Variants in CEP57 observed in about 807,000 individuals in gnomAD.
The protein encoded by CEP57 is centrosomal protein of 57 kDa.
CEP57 carries 40 observed loss-of-function variants against 68.0 expected under a neutral mutation model. The ratio of observed to expected loss-of-function variants is 0.59; its 90% confidence interval spans 0.46 to 0.77. The LOEUF is 0.77. Among genes scored for constraint, CEP57 ranks in the 30% least tolerant of loss-of-function variants. The pLI, the probability that CEP57 is intolerant of heterozygous loss-of-function variation, is 0.00. For missense variants in CEP57, 606 were observed against 580.7 expected (o/e 1.04, Z -0.45); for synonymous variants, 219 against 198.7 (o/e 1.10, Z -0.86).
chr11:95,832,253 C>G lies in CEP57; in HGVS notation c.*997C>G, dbSNP rs1863035485. 1 of 152,156 alleles carries G rather than the reference C, an allele frequency of 6.6e-6. No homozygotes were observed. The highest frequency in any genetic ancestry group is 1.9e-4 in the East Asian group (1 of 5,188). 9.4% of individuals were successfully genotyped at this position (152,156 alleles called of 1,614,324 possible). ...GAAACACTGCAACTTTCCTTAACAG[C>G]CTGTTAATAAAGGCTTTGTGACAAG... is the stretch of plus-strand genomic sequence containing the variant. On this transcript the variant is annotated 3_prime_UTR_variant, in exon 11 of 11. Transcript: ENST00000325542.
upstream of CEP57, chr11:95,790,377 A>G: frequency 8.6e-6 from 4 of 466,136 alleles, no homozygotes; most frequent in Non-Finnish European, 1.6e-5. Context: ...TGTCTGCCCC[A>G]GCGGGCCCCG....
intron 2 of CEP57, among the ~76,000 whole-genome samples, chr11:95,804,726 A>G (rs538870439): frequency 6.6e-6 from 1 of 152,156 alleles, no homozygotes. Context: ...AATATTATAA[A>G]TTGCATTTAA....
rs1862530339 is a variant in CEP57 at position 95,821,858 on chromosome 11, T to G, written c.700-13T>G. 2 of 1,555,158 alleles carry G rather than the reference T, an allele frequency of 1.3e-6. No homozygotes were observed. The highest frequency in any genetic ancestry group is 1.8e-6 in the Non-Finnish European group (2 of 1,128,120). ...TTTCTACAGCATTAACTTGAGGCTC[T>G]CATTTTTCCTAGTTGCAGACTGGTC... is the stretch of plus-strand genomic sequence containing the variant. On this transcript the variant is annotated splice_polypyrimidine_tract_variant and intron_variant, in intron 6 of 10. Transcript: ENST00000325542.
At chr11:95,796,331 C>T (rs1017237738) in intron 1 of CEP57, among the ~76,000 whole-genome samples, 11 of 152,280 alleles carry the variant, frequency 7.2e-5, no homozygotes, top group African/African-American at 2.6e-4. Flanking sequence ...GAAAGTTTCT[C>T]CTACAATCAT....
At chr11:95,828,868 C>G (rs190407123) in intron 9 of CEP57, among the ~76,000 whole-genome samples, 2 of 151,942 alleles carry the variant, frequency 1.3e-5, no homozygotes, top group Admixed American at 6.6e-5. Flanking sequence ...GGGTGAAAAC[C>G]TGTCTGTACT....
chr11:95,819,074 CAG>C (rs1474033427), intron 6 of CEP57, among the ~76,000 whole-genome samples, 170 bp downstream of exon 6: 32 of 152,034 alleles, frequency 2.1e-4, no homozygotes, highest in African/African-American at 6.8e-4. Context: ...TTTTTATAGA[CAG>C]AGTAAAATTT....
chr11:95,818,411 CAAA>C (rs34940479), intron 5 of CEP57, among the ~76,000 whole-genome samples: 1 of 127,462 alleles, frequency 7.8e-6, no homozygotes, highest in Non-Finnish European at 1.6e-5. Context: ...AACTCCATCT[CAAA>C]AAAAAAAAAA....
upstream of CEP57, chr11:95,790,317 G>C (rs571906772): frequency 3.8e-5 from 13 of 344,534 alleles, no homozygotes; most frequent in South Asian, 3.7e-4. Flanking sequence ...TACTGGAGGA[G>C]GCCCGACCCT....
chr11:95,791,710 T>C (rs1312954201), intron 1 of CEP57, among the ~76,000 whole-genome samples: 1 of 152,180 alleles, frequency 6.6e-6, no homozygotes, highest in Non-Finnish European at 1.5e-5. Context: ...GAAGGTTTCC[T>C]AGAAGGGAAG....
In CEP57 at chr11:95,831,163, TGGAGAAAAAA is replaced by T. The variant is rs1477051347; in HGVS notation, c.1421_1430del (p.Arg474IlefsTer5). 4 of 1,613,134 alleles carry T rather than the reference TGGAGAAAAAA, an allele frequency of 2.5e-6. No individual in the cohort carries two copies. The highest frequency in any genetic ancestry group is 2.2e-5 in the South Asian group (2 of 90,996). ...AGAAAGATTTTATGAAACTGAGACC[TGGAGAAAAAA>T]GGAGAAAAAATCTTCAGTTATTGAA... is the stretch of plus-strand genomic sequence containing the variant. On this transcript the variant is annotated frameshift_variant, in exon 11 of 11. Transcript: ENST00000325542. LOFTEE classifies it high-confidence loss of function.
intron 2 of CEP57, among the ~76,000 whole-genome samples, chr11:95,807,373 G>A (rs562174167): frequency 1.6e-4 from 24 of 152,300 alleles, no homozygotes; most frequent in African/African-American, 4.8e-4. Context: ...TGACTTTGAC[G>A]AGTTGAGAGA....
chr11:95,793,921 TCA>T (rs1861217573), intron 1 of CEP57, among the ~76,000 whole-genome samples: 2 of 152,172 alleles, frequency 1.3e-5, no homozygotes. Flanking sequence ...AAGTATGGTC[TCA>T]CAACCCTTGG....
intron 9 of CEP57, 54 bp from the exon 10 acceptor site, chr11:95,829,133 C>T: frequency 6.3e-7 from 1 of 1,594,266 alleles, no homozygotes; most frequent in Non-Finnish European, 8.6e-7. Flanking sequence ...TATAATAGAC[C>T]TAACCATGAA....
intron 6 of CEP57, among the ~76,000 whole-genome samples, chr11:95,819,606 C>T (rs1324736673): frequency 6.6e-6 from 1 of 152,204 alleles, no homozygotes; most frequent in Non-Finnish European, 1.5e-5. Context: ...AAATTCCTCC[C>T]AGATACTCCC....
chr11:95,798,105 T>C (rs1187148620), intron 1 of CEP57, among the ~76,000 whole-genome samples: 1 of 152,248 alleles, frequency 6.6e-6, no homozygotes, highest in African/African-American at 2.4e-5. Flanking sequence ...GAACATACTA[T>C]AGTAGACTTA....
At chr11:95,822,306 TCCCCCCAG>T in intron 7 of CEP57, 185 bp from the exon 8 acceptor site, 1 of 599,114 alleles carries the variant, frequency 1.7e-6, no homozygotes, top group Non-Finnish European at 2.9e-6. Context: ...AGTGCTTTTT[TCCCCCCAG>T]CCTTTCCTAG....
chr11:95,831,413 C>T lies in CEP57; in HGVS notation c.*157C>T. ...TCATTACACAGGCTTTTCATGTATG[C>T]AGGATGACTCAATGTTAAAGCATTT... On this transcript the variant is annotated 3_prime_UTR_variant, in exon 11 of 11. Transcript: ENST00000325542. 1 of 604,728 alleles carries T rather than the reference C, an allele frequency of 1.7e-6. No homozygotes were observed. The allele number at this position is 604,728 out of a possible 1,614,324, so 37.5% of individuals were successfully genotyped here. A position where few individuals can be genotyped will look rare whatever the true frequency, so the allele number is the denominator to read the frequency against.
chr11:95,816,625 T>A (rs1055516232), intron 4 of CEP57, among the ~76,000 whole-genome samples: 1 of 152,230 alleles, frequency 6.6e-6, no homozygotes, highest in Non-Finnish European at 1.5e-5. Context: ...AATTCCTAAA[T>A]TATTGCTTTA....
At chr11:95,817,663 T>G (rs1862353949) in intron 4 of CEP57, 124 bp from the exon 5 acceptor site, 1 of 725,804 alleles carries the variant, frequency 1.4e-6, no homozygotes, top group Non-Finnish European at 2.5e-6. Context: ...TGGTTTCATC[T>G]TAATGTTATT....
Sources: allele counts gnomAD v4.1 joint callset (sites outside exome capture counted in the v4.1 genomes callset), GRCh38; gene constraint gnomAD v4.1.1; transcripts MANE v1.5; gene names NCBI Gene and HGNC (gene_info 2026-07-23, HGNC 2026-07-21).